The following EPSTI1 variants were observed in gnomAD, a reference collection of about 807,000 sequenced individuals.
EPSTI1 encodes the protein epithelial-stromal interaction protein 1.
In EPSTI1, 66 loss-of-function variants were observed where a neutral mutation model predicts 49.9. The observed-to-expected ratio is 1.32, with a 90% CI of 1.08 to 1.62. The LOEUF (loss-of-function observed/expected upper bound fraction) is 1.62. Ranked by LOEUF, EPSTI1 falls within the 40% of genes most tolerant of loss-of-function variation. The pLI is 0.00. For missense variants in EPSTI1, 394 were observed against 365.5 expected (o/e 1.08, Z -0.64); for synonymous variants, 137 against 130.7 (o/e 1.05, Z -0.33).
chr13:42,902,132 T>C (rs879902235), intron 8 of EPSTI1, among the ~76,000 whole-genome samples: 2 of 152,232 alleles, frequency 1.3e-5, no homozygotes, highest in African/African-American at 2.4e-5. Context: ...TATTATCTTT[T>C]GACTACCTAC....
chr13:42,926,280 C>T (rs1383941444), intron 7 of EPSTI1, 56 bp downstream of exon 7: 1 of 989,370 alleles, frequency 1.0e-6, no homozygotes, highest in Non-Finnish European at 1.6e-6. Flanking sequence ...CATCTTCAGT[C>T]ACTAAATACC....
intron 6 of EPSTI1, among the ~76,000 whole-genome samples, chr13:42,936,917 T>C (rs2038583666): frequency 6.6e-6 from 1 of 152,222 alleles, no homozygotes. Context: ...ACACCTCCAG[T>C]ACTTCAAGTC....
chr13:42,929,399 A>G (rs1310261924), intron 6 of EPSTI1, among the ~76,000 whole-genome samples: 1 of 152,198 alleles, frequency 6.6e-6, no homozygotes, highest in Non-Finnish European at 1.5e-5. Flanking sequence ...CTGTCCCCAC[A>G]TTCTGATGGC....
chr13:42,985,886 A>G (rs2040068596), intron 1 of EPSTI1, among the ~76,000 whole-genome samples: 1 of 152,192 alleles, frequency 6.6e-6, no homozygotes, highest in Non-Finnish European at 1.5e-5. Flanking sequence ...CTCACCCTCC[A>G]TGAATCCCCT....
At position 42,964,279 on chromosome 13, in the gene EPSTI1, A is replaced by G. The variant is rs555854155; in HGVS notation, c.332-140T>C. 43 of 582,470 alleles carry G rather than the reference A, an allele frequency of 7.4e-5. No homozygotes were observed. The South Asian group carries it at 1.2e-3, about 16-fold the overall frequency. The allele number at this position is 582,470 out of a possible 1,614,324, so 36.1% of individuals were successfully genotyped here. A position where few individuals can be genotyped will look rare whatever the true frequency, so the allele number is the denominator to read the frequency against. ...TGCTCTTGCAAATAAGAACATAACC[A>G]GTTTTCCAAGAAGACCTTAAAGAAG... On this transcript the variant is annotated intron_variant, in intron 3 of 10. Coordinates refer to ENST00000313624, the MANE Select transcript of EPSTI1 (RefSeq NM_033255.5).
At chr13:42,917,982 A>G (rs1253942898) in intron 7 of EPSTI1, among the ~76,000 whole-genome samples, 3 of 152,240 alleles carry the variant, frequency 2.0e-5, no homozygotes, top group African/African-American at 7.2e-5. Context: ...CTAGCTGATC[A>G]GTCAATATTA....
intron 8 of EPSTI1, among the ~76,000 whole-genome samples, chr13:42,907,344 G>C (rs1029119609): frequency 4.7e-4 from 72 of 152,220 alleles, no homozygotes; most frequent in African/African-American, 1.7e-3. Context: ...ATTGCTGCAT[G>C]GTATTTATTC....
intron 6 of EPSTI1, among the ~76,000 whole-genome samples, chr13:42,932,834 T>G (rs970362065): frequency 1.3e-5 from 2 of 152,226 alleles, no homozygotes. Context: ...CTGATCATCA[T>G]GTACCCTCTG....
intron 1 of EPSTI1, among the ~76,000 whole-genome samples, chr13:42,979,898 T>C (rs891010100): frequency 6.6e-6 from 1 of 152,292 alleles, no homozygotes; most frequent in Admixed American, 6.5e-5. Context: ...TTGTTTCCAT[T>C]TTAATATTCT....
chr13:42,989,560 C>CTTCTTTTTTT (rs1555271083), intron 1 of EPSTI1, among the ~76,000 whole-genome samples: 1 of 37,030 alleles, frequency 2.7e-5, no homozygotes, highest in African/African-American at 6.7e-5. Context: ...ACTTTATCCT[C>CTTCTTTTTTT]TTTTTTCTTT....
In EPSTI1 at chr13:42,922,859, T is replaced by C. The variant is rs1304586815; in HGVS notation, c.657+3477A>G. On this transcript the variant is annotated intron_variant, in intron 7 of 10. Transcript: ENST00000313624. This position sits in a 1 kb window ranked among gnomAD's most constrained non-coding sequence, Gnocchi z 4.8. ...GAGCTTGGCCCCTCAGACATTAACG[T>C]GCACACACATCTTCCATGGACTGTA... is the stretch of plus-strand genomic sequence containing the variant. 6.6e-6 allele frequency among the ~76,000 whole-genome samples: 1 copy of C among 152,206 alleles called. No individual in the cohort carries two copies. The highest frequency in any genetic ancestry group is 2.1e-4 in the South Asian group (1 of 4,832).
chr13:42,974,096 G>A (rs1406032140), intron 1 of EPSTI1, among the ~76,000 whole-genome samples: 1 of 152,130 alleles, frequency 6.6e-6, no homozygotes, highest in African/African-American at 2.4e-5. Context: ...AGCACTTTGG[G>A]GGGCTGAGGC....
intron 6 of EPSTI1, among the ~76,000 whole-genome samples, chr13:42,935,999 C>T (rs959453069): frequency 1.3e-5 from 2 of 152,310 alleles, no homozygotes; most frequent in South Asian, 2.1e-4. Context: ...CTTCTCAACA[C>T]GAAATCTTTT....
intron 10 of EPSTI1, among the ~76,000 whole-genome samples, chr13:42,890,220 C>T (rs1424694917): frequency 6.6e-6 from 1 of 151,586 alleles, no homozygotes; most frequent in Non-Finnish European, 1.5e-5. Flanking sequence ...TCATTCCTAT[C>T]TATTAACAAG....
intron 4 of EPSTI1, among the ~76,000 whole-genome samples, 164 bp downstream of exon 4, chr13:42,963,902 T>C (rs1331588625): frequency 6.6e-6 from 1 of 152,226 alleles, no homozygotes; most frequent in Non-Finnish European, 1.5e-5. Context: ...TATCCATCTC[T>C]TCACTTCTCA....
chr13:42,938,407 T>TA (rs1055405542), intron 6 of EPSTI1, among the ~76,000 whole-genome samples: 1 of 152,112 alleles, frequency 6.6e-6, no homozygotes, highest in African/African-American at 2.4e-5. Context: ...GTTCCATTCA[T>TA]AGAGCATACA....
intron 7 of EPSTI1, among the ~76,000 whole-genome samples, chr13:42,917,970 G>A (rs1041159957): frequency 6.6e-5 from 10 of 152,054 alleles, no homozygotes; most frequent in Non-Finnish European, 8.8e-5. Flanking sequence ...AGAATATTCC[G>A]ACTAGCTGAT....
chr13:42,893,410 G>A (rs1296454419), intron 10 of EPSTI1, among the ~76,000 whole-genome samples: 1 of 152,208 alleles, frequency 6.6e-6, no homozygotes. Flanking sequence ...GAAGGTGGGA[G>A]CCTGAGGAAC....
intron 9 of EPSTI1, among the ~76,000 whole-genome samples, chr13:42,899,774 G>C (rs1024470887): frequency 1.3e-5 from 2 of 152,082 alleles, no homozygotes; most frequent in Non-Finnish European, 2.9e-5. Flanking sequence ...TATTTTACTA[G>C]GTATTCTTAA....
Sources: gnomAD v4.1 joint callset for allele counts (sites outside exome capture counted in the v4.1 genomes callset) on GRCh38, gnomAD v4.1.1 for gene constraint, Gnocchi (gnomAD v3.1) non-coding constraint, MANE v1.5 for transcripts, NCBI Gene and HGNC (gene_info 2026-07-23, HGNC 2026-07-21) for gene names.